The following CNBD1 variants were observed in gnomAD, a reference collection of about 807,000 sequenced individuals.
The protein encoded by CNBD1 is cyclic nucleotide-binding domain-containing protein 1.
A neutral mutation model predicts 54.4 loss-of-function variants in CNBD1; 71 were observed. The ratio of observed to expected loss-of-function variants is 1.30; its 90% CI spans 1.08 to 1.59. The LOEUF (loss-of-function observed/expected upper bound fraction) is 1.59. CNBD1 is among the 40% of genes most tolerant of loss of function. The pLI is 0.00. For missense variants in CNBD1, 659 were observed against 518.0 expected, an observed-to-expected ratio of 1.27 and a Z score of -2.64; for synonymous variants, 182 against 170.7, an observed-to-expected ratio of 1.07 and a Z score of -0.51.
intron 8 of CNBD1, among the ~76,000 whole-genome samples, chr8:87,290,688 G>A (rs941933663): frequency 6.6e-6 from 1 of 152,110 alleles, no homozygotes; most frequent in African/African-American, 2.4e-5. Context: ...TTCTTGTACT[G>A]AGAATTTCTT....
At chr8:87,428,398 A>G (rs1200313364) in intron 2 of CNBD1, 1 of 301,564 alleles carries the variant, frequency 3.3e-6, no homozygotes, top group Non-Finnish European at 6.5e-6. Context: ...CTGAACTTAG[A>G]AGTACTAATG....
chr8:86,900,587 A>G (rs2131803582), intron 2 of CNBD1, among the ~76,000 whole-genome samples: 1 of 152,264 alleles, frequency 6.6e-6, no homozygotes, highest in South Asian at 2.1e-4. Context: ...TTACTTGCCT[A>G]ATAGACTATA....
At chr8:87,388,479 G>C (rs532484645) in intron 2 of CNBD1, among the ~76,000 whole-genome samples, 1 of 152,022 alleles carries the variant, frequency 6.6e-6, no homozygotes, top group Non-Finnish European at 1.5e-5. Flanking sequence ...ACACCTCTAC[G>C]CAAATAAACT....
At chr8:87,307,750 A>AAT in intron 8 of CNBD1, among the ~76,000 whole-genome samples, 1 of 145,604 alleles carries the variant, frequency 6.9e-6, no homozygotes, top group African/African-American at 2.6e-5. Context: ...AAAAAAAATT[A>AAT]TATATATATA....
intron 5 of CNBD1, among the ~76,000 whole-genome samples, chr8:87,226,881 C>G (rs1414933625): frequency 6.6e-6 from 1 of 151,188 alleles, no homozygotes. Context: ...ATCTGAGTCT[C>G]TTTGTAGGTC....
intron 10 of CNBD1, among the ~76,000 whole-genome samples, chr8:87,362,541 G>T (rs1375740720): frequency 6.6e-6 from 1 of 152,040 alleles, no homozygotes; most frequent in Non-Finnish European, 1.5e-5. Context: ...GCTTGAGACA[G>T]ATTTTTAATC....
downstream of CNBD1, among the ~76,000 whole-genome samples, chr8:87,387,595 G>C (rs146543013): frequency 6.2e-3 from 943 of 152,214 alleles, 9 homozygotes; most frequent in African/African-American, 0.021. Flanking sequence ...GGAGCACCCA[G>C]GTTCATAAAG....
intron 3 of CNBD1, among the ~76,000 whole-genome samples, chr8:86,913,249 A>C (rs1181943210): frequency 6.6e-6 from 1 of 152,224 alleles, no homozygotes. Flanking sequence ...ACTCACCCAG[A>C]GCAACTTCCA....
At chr8:86,917,332 A>C (rs1809203105) in intron 3 of CNBD1, among the ~76,000 whole-genome samples, 1 of 152,160 alleles carries the variant, frequency 6.6e-6, no homozygotes, top group East Asian at 1.9e-4. Flanking sequence ...GTAATTAAAA[A>C]ATAACTTTTA....
intron 4 of CNBD1, among the ~76,000 whole-genome samples, chr8:86,969,063 T>G (rs1808159576): frequency 1.3e-5 from 2 of 152,164 alleles, no homozygotes; most frequent in South Asian, 4.1e-4. Flanking sequence ...GGAGACAGTT[T>G]TGTGTGATCC....
chr8:87,226,273 C>T (rs1814488341), intron 5 of CNBD1, among the ~76,000 whole-genome samples: 1 of 150,714 alleles, frequency 6.6e-6, no homozygotes, highest in African/African-American at 2.5e-5. Context: ...TATTTCTTGC[C>T]TTCTGCTAGC....
intron 4 of CNBD1, among the ~76,000 whole-genome samples, chr8:86,994,600 C>T (rs143136415): frequency 1.6e-3 from 250 of 152,330 alleles, no homozygotes; most frequent in Non-Finnish European, 3.3e-3. Flanking sequence ...CCCCATGGTC[C>T]ACAGCAAGAG....
At chr8:87,391,062 A>G (rs1311618080) in intron 2 of CNBD1, among the ~76,000 whole-genome samples, 1 of 142,584 alleles carries the variant, frequency 7.0e-6, no homozygotes, top group Non-Finnish European at 1.5e-5. Context: ...GGACACAGGA[A>G]GGGGAACATC....
At chr8:87,402,612 T>G (rs1208979537) in intron 2 of CNBD1, among the ~76,000 whole-genome samples, 2 of 152,082 alleles carry the variant, frequency 1.3e-5, no homozygotes, top group Non-Finnish European at 1.5e-5. Context: ...TTGTTTCCTC[T>G]TATAGTCTCT....
At chr8:87,147,053 A>G (rs1028217857) in intron 4 of CNBD1, among the ~76,000 whole-genome samples, 14 of 152,060 alleles carry the variant, frequency 9.2e-5, no homozygotes, top group Non-Finnish European at 1.6e-4. Context: ...CCACCATGCC[A>G]TCAGTGCTAG....
intron 4 of CNBD1, among the ~76,000 whole-genome samples, chr8:87,009,963 T>C (rs1313892372): frequency 1.3e-5 from 2 of 152,200 alleles, no homozygotes; most frequent in Non-Finnish European, 2.9e-5. Flanking sequence ...CCTTCTTTTG[T>C]CTTCTTTTTT....
chr8:87,277,194 A>G (rs915267931), intron 6 of CNBD1, among the ~76,000 whole-genome samples: 1 of 151,658 alleles, frequency 6.6e-6, no homozygotes, highest in Non-Finnish European at 1.5e-5. Context: ...AAGTTTCAGT[A>G]TGATGGCTGA....
At chr8:86,937,148 A>T (rs1809563705) in intron 3 of CNBD1, among the ~76,000 whole-genome samples, 1 of 152,184 alleles carries the variant, frequency 6.6e-6, no homozygotes, top group South Asian at 2.1e-4. Context: ...GAGGAGGGGC[A>T]AAGTCACATC....
chr8:87,085,406 A>G (rs1040726059), intron 4 of CNBD1, among the ~76,000 whole-genome samples: 1 of 152,192 alleles, frequency 6.6e-6, no homozygotes, highest in Non-Finnish European at 1.5e-5. Context: ...ATATGTATAC[A>G]TATAAATAAA....
Sources: gnomAD v4.1 joint callset for allele counts (sites outside exome capture counted in the v4.1 genomes callset) on GRCh38, gnomAD v4.1.1 for gene constraint, MANE v1.5 for transcripts, NCBI Gene and HGNC (gene_info 2026-07-23, HGNC 2026-07-21) for gene names.